CTNNA3: variants seen among roughly 807,000 people sequenced by gnomAD.
CTNNA3 encodes catenin alpha 3.
CTNNA3 carries 76 observed loss-of-function variants against 95.7 expected under a neutral mutation model. The ratio of observed to expected loss-of-function variants is 0.79; its 90% CI spans 0.66 to 0.96. CTNNA3 has a LOEUF of 0.96. CTNNA3 is among the 40% of genes least tolerant of loss of function. The pLI, the probability that CTNNA3 is intolerant of heterozygous loss-of-function variation, is 0.00. For missense variants in CTNNA3, 1,191 were observed against 1,089.8 expected (o/e 1.09, Z -1.31); for synonymous variants, 431 against 374.4 (o/e 1.15, Z -1.74).
In CTNNA3 at chr10:66,280,616, G is replaced by A; in HGVS notation, c.1738C>T (p.Pro580Ser). Reference protein sequence around the residue: ...NVNFLTSTVIPEFVTQVNVAL... With the variant: ...NVNFLTSTVISEFVTQVNVAL... Reference sequence around the variant, plus strand: ...ACATTCACTTGTGTTACAAATTCAGGAATTACTGTTAAAATAAAGAATAAG... The same window carrying A: ...ACATTCACTTGTGTTACAAATTCAGAAATTACTGTTAAAATAAAGAATAAG... The change falls in exon 13 of 18, where the codon CCT (proline) becomes TCT (serine). Residue 580 changes from proline (P) to serine (S), a missense_variant. By Grantham distance (74) the Pro-to-Ser change is moderately conservative. Transcript: ENST00000433211. The A allele has an allele frequency of 6.2e-7, 1 of 1,602,692 alleles. No homozygotes were observed. Among genetic ancestry groups the A allele is most frequent in the Non-Finnish European group, 8.5e-7 (1 of 1,175,514 alleles).
chr10:66,062,862 T>C (rs2080230491), intron 15 of CTNNA3, among the ~76,000 whole-genome samples: 1 of 152,138 alleles, frequency 6.6e-6, no homozygotes, highest in African/African-American at 2.4e-5. Context: ...TTTGTCACTC[T>C]ATGGAGTTAT....
chr10:67,395,545 C>T (rs1844678913), intron 5 of CTNNA3, among the ~76,000 whole-genome samples: 1 of 152,216 alleles, frequency 6.6e-6, no homozygotes, highest in South Asian at 2.1e-4. Flanking sequence ...GTGCTGACAG[C>T]AGCAGGCAGG....
At chr10:66,288,546 T>C (rs2091628395) in intron 12 of CTNNA3, among the ~76,000 whole-genome samples, 1 of 152,146 alleles carries the variant, frequency 6.6e-6, no homozygotes, top group Non-Finnish European at 1.5e-5. Context: ...AGATATACGC[T>C]GCTATTTAAC....
chr10:66,537,244 A>C (rs1434499376), intron 10 of CTNNA3, among the ~76,000 whole-genome samples: 4 of 152,186 alleles, frequency 2.6e-5, no homozygotes, highest in Non-Finnish European at 5.9e-5. Context: ...TTATTAACTT[A>C]AACAAGTCAT....
chr10:66,696,596 T>C (rs1847773619), intron 9 of CTNNA3, among the ~76,000 whole-genome samples: 1 of 151,960 alleles, frequency 6.6e-6, no homozygotes. Flanking sequence ...AGGAAAAAAA[T>C]ATTGCTAATT....
At chr10:67,006,146 G>T (rs1851974843) in intron 7 of CTNNA3, among the ~76,000 whole-genome samples, 1 of 152,126 alleles carries the variant, frequency 6.6e-6, no homozygotes, top group Non-Finnish European at 1.5e-5. Context: ...TCCTGTGCCT[G>T]TTTCTTGCAG....
In CTNNA3 at chr10:67,099,928, G is replaced by A. The variant is rs1475780050; in HGVS notation, c.1047+80389C>T. The stretch of plus-strand genomic sequence containing the variant: ...ATAAAGGGTTATAAAGCTATGATTC[G>A]TGAGTCTAAAATCAAATGCAAAATT... On this transcript the variant is annotated intron_variant, in intron 7 of 17. Transcript: ENST00000433211. 6 of 151,714 alleles carry A rather than the reference G, an allele frequency of 4.0e-5. No individual in the cohort carries two copies. In the South Asian group the frequency reaches 6.2e-4, roughly 16 times the overall value. The allele number at this position is 151,714 out of a possible 1,614,324, so 9.4% of individuals were successfully genotyped here.
At chr10:67,246,562 C>A (rs1458577225) in intron 5 of CTNNA3, among the ~76,000 whole-genome samples, 1 of 152,080 alleles carries the variant, frequency 6.6e-6, no homozygotes, top group Non-Finnish European at 1.5e-5. Flanking sequence ...CTAAACATAT[C>A]ACAGCGACCC....
chr10:67,563,900 C>T (rs1278955145), intron 3 of CTNNA3, among the ~76,000 whole-genome samples: 1 of 149,274 alleles, frequency 6.7e-6, no homozygotes, highest in Non-Finnish European at 1.5e-5. Flanking sequence ...AAATGCTCAT[C>T]ATCACTGGCC....
chr10:66,545,673 T>G (rs1240500616), intron 10 of CTNNA3, among the ~76,000 whole-genome samples: 3 of 152,014 alleles, frequency 2.0e-5, no homozygotes, highest in Non-Finnish European at 4.4e-5. Context: ...TTTTTGATAT[T>G]TCACATCTTC....
intron 9 of CTNNA3, among the ~76,000 whole-genome samples, chr10:66,648,222 C>G (rs1057036250): frequency 6.6e-6 from 1 of 152,062 alleles, no homozygotes; most frequent in Non-Finnish European, 1.5e-5. Context: ...GTGTCCCTTC[C>G]CCAGGGATTC....
intron 7 of CTNNA3, among the ~76,000 whole-genome samples, chr10:67,061,701 G>A (rs1315913047): frequency 3.3e-5 from 5 of 152,174 alleles, no homozygotes; most frequent in East Asian, 3.8e-4. Context: ...AAAGAGAAAC[G>A]ATATTTCAGC....
intron 5 of CTNNA3, among the ~76,000 whole-genome samples, chr10:67,318,081 T>A (rs555028159): frequency 3.3e-5 from 5 of 152,160 alleles, no homozygotes; most frequent in Admixed American, 6.5e-5. Flanking sequence ...TTATCAGACA[T>A]TCTAATATGT....
At chr10:67,718,735 G>A (rs570837340) in intron 1 of CTNNA3, among the ~76,000 whole-genome samples, 1 of 152,316 alleles carries the variant, frequency 6.6e-6, no homozygotes, top group South Asian at 2.1e-4. Flanking sequence ...TCGCATCGAT[G>A]TTCATCAGGG....
chr10:66,966,144 T>C (rs753221860), intron 7 of CTNNA3, among the ~76,000 whole-genome samples: 6 of 151,856 alleles, frequency 4.0e-5, no homozygotes, highest in Non-Finnish European at 7.4e-5. Flanking sequence ...TTTTGAAAAA[T>C]AGTGAAGCTT....
intron 12 of CTNNA3, among the ~76,000 whole-genome samples, chr10:66,347,051 T>C (rs1187963730): frequency 6.6e-6 from 1 of 152,040 alleles, no homozygotes; most frequent in Non-Finnish European, 1.5e-5. Flanking sequence ...ATTCATGTAC[T>C]AGAGTGATCT....
chr10:67,076,581 C>T (rs1204786552), intron 7 of CTNNA3, among the ~76,000 whole-genome samples: 3 of 152,116 alleles, frequency 2.0e-5, no homozygotes, highest in Non-Finnish European at 4.4e-5. Flanking sequence ...AATCTAAAAG[C>T]GTTTCTTTAA....
intron 5 of CTNNA3, among the ~76,000 whole-genome samples, chr10:67,326,153 A>C (rs1841530659): frequency 1.3e-5 from 2 of 152,154 alleles, no homozygotes; most frequent in South Asian, 4.1e-4. Flanking sequence ...TGAAGACAGC[A>C]TACTATGATT....
Position 66,978,526 on chromosome 10 carries a change from C to CAAA in CTNNA3, c.1047+201788_1047+201790dup, listed in dbSNP as rs1170594360. ...TGGATGATAGAGTGAGACTCCATCTCAAAAAAAAAAAAAAAAAAAAAAAAA... is the reference window on the plus strand; with the variant it reads ...TGGATGATAGAGTGAGACTCCATCTCAAAAAAAAAAAAAAAAAAAAAAAAAAAA... On this transcript the variant is annotated intron_variant, in intron 7 of 17. Transcript: ENST00000433211. Among the ~76,000 whole-genome samples, 93 of 42,304 alleles carry CAAA rather than the reference C, an allele frequency of 2.2e-3. 3 individuals carry two copies. Among genetic ancestry groups the CAAA allele is most frequent in the African/African-American group, 4.3e-3 (42 of 9,738 alleles). 27.8% of individuals were successfully genotyped at this position (42,304 alleles called of 152,430 possible). A position where few individuals can be genotyped will look rare whatever the true frequency, so the allele number is the denominator to read the frequency against.
Sources: allele counts gnomAD v4.1 joint callset (sites outside exome capture counted in the v4.1 genomes callset), GRCh38; gene constraint gnomAD v4.1.1; transcripts MANE v1.5; gene names NCBI Gene and HGNC (gene_info 2026-07-23, HGNC 2026-07-21).